The following DIAPH3 variants were observed in gnomAD, a reference collection of about 807,000 sequenced individuals.
DIAPH3 encodes the protein diaphanous related formin 3, also known as protein diaphanous homolog 3.
In DIAPH3, 117 loss-of-function variants were observed where a neutral mutation model predicts 144.3. That is an observed-to-expected ratio of 0.81 (90% CI 0.70 to 0.95). The LOEUF (loss-of-function observed/expected upper bound fraction) is 0.95. DIAPH3 is among the 40% of genes least tolerant of loss of function. DIAPH3 has a pLI of 0.00. For missense variants in DIAPH3, 1,421 were observed against 1,412.7 expected (o/e 1.01, Z -0.09); for synonymous variants, 519 against 488.9 (o/e 1.06, Z -0.81).
At chr13:59,796,794 G>C (rs975907914) in intron 25 of DIAPH3, among the ~76,000 whole-genome samples, 1 of 152,142 alleles carries the variant, frequency 6.6e-6, no homozygotes, top group African/African-American at 2.4e-5. Context: ...GTAATAAAAA[G>C]TATCTTAAAG....
intron 27 of DIAPH3, among the ~76,000 whole-genome samples, chr13:59,673,619 G>C (rs947193029): frequency 3.9e-5 from 6 of 152,168 alleles, no homozygotes; most frequent in African/African-American, 2.4e-5. Flanking sequence ...AAGCCAGAAA[G>C]ACCAATCATG....
intron 2 of DIAPH3, among the ~76,000 whole-genome samples, chr13:60,132,385 G>C (rs2059167382): frequency 6.6e-6 from 1 of 151,902 alleles, no homozygotes; most frequent in African/African-American, 2.4e-5. Flanking sequence ...TGTTCTTCTT[G>C]TTATTCCTTT....
chr13:59,729,838 G>T (rs1448131398), intron 27 of DIAPH3, among the ~76,000 whole-genome samples: 1 of 98,990 alleles, frequency 1.0e-5, no homozygotes, highest in South Asian at 3.3e-4. Flanking sequence ...TTGAGATAGG[G>T]TCTTGCTCTG....
At chr13:59,739,146 G>A (rs2036310249) in intron 27 of DIAPH3, among the ~76,000 whole-genome samples, 8 of 152,314 alleles carry the variant, frequency 5.3e-5, no homozygotes, top group Middle Eastern at 3.4e-3. Flanking sequence ...ACTGTTAGTA[G>A]AGGGATTAGT....
chr13:60,109,220 C>T (rs2058499552), intron 3 of DIAPH3, among the ~76,000 whole-genome samples: 1 of 152,126 alleles, frequency 6.6e-6, no homozygotes, highest in South Asian at 2.1e-4. Flanking sequence ...CACAGAGACA[C>T]ACACTTCTTT....
intron 23 of DIAPH3, chr13:59,838,589 G>T (rs2042163958): frequency 1.3e-5 from 2 of 152,216 alleles, no homozygotes; most frequent in South Asian, 4.1e-4. Flanking sequence ...TTGAAGTTAA[G>T]CTGACTAGTT....
intron 10 of DIAPH3, 130 bp from the exon 11 acceptor site, chr13:59,992,316 A>G (rs1207690100): frequency 2.0e-6 from 2 of 1,019,194 alleles, no homozygotes; most frequent in Non-Finnish European, 2.9e-6. Context: ...AGTGTTAAAT[A>G]ACACTCGAAT....
chr13:60,104,081 G>A (rs111630872), intron 3 of DIAPH3, among the ~76,000 whole-genome samples: 96 of 152,166 alleles, frequency 6.3e-4, no homozygotes, highest in African/African-American at 2.3e-3. Context: ...ATTGGGTTTA[G>A]ACATAATTAG....
intron 5 of DIAPH3, among the ~76,000 whole-genome samples, chr13:60,031,977 C>G (rs2054834897): frequency 6.6e-6 from 1 of 152,104 alleles, no homozygotes; most frequent in African/African-American, 2.4e-5. Flanking sequence ...CTCTTGACCT[C>G]ATGATCCACC....
chr13:59,741,703 C>CAA (rs756556231), intron 27 of DIAPH3, among the ~76,000 whole-genome samples: 2,421 of 93,604 alleles, frequency 0.026, 53 homozygotes, highest in East Asian at 0.12. Flanking sequence ...GGCAACAAAG[C>CAA]AAAAAAAAAA....
intron 25 of DIAPH3, among the ~76,000 whole-genome samples, chr13:59,782,825 A>G (rs1216576164): frequency 6.6e-6 from 1 of 152,202 alleles, no homozygotes; most frequent in African/African-American, 2.4e-5. Flanking sequence ...AGAGTGCCAG[A>G]GCTGTCAAAA....
At chr13:59,916,481 T>C (rs1377484456) in intron 18 of DIAPH3, among the ~76,000 whole-genome samples, 2 of 152,114 alleles carry the variant, frequency 1.3e-5, no homozygotes, top group Non-Finnish European at 2.9e-5. Context: ...TTGCACTGGA[T>C]CCAAGGTTGA....
chr13:59,823,032 T>C (rs1289344497), intron 24 of DIAPH3, among the ~76,000 whole-genome samples: 1 of 152,324 alleles, frequency 6.6e-6, no homozygotes, highest in South Asian at 2.1e-4. Context: ...TTATTCTCAC[T>C]ACCGTATTAG....
chr13:60,015,121 G>C (rs1487255278), intron 7 of DIAPH3, among the ~76,000 whole-genome samples: 1 of 152,028 alleles, frequency 6.6e-6, no homozygotes, highest in African/African-American at 2.4e-5. Context: ...TCAGCCTCCT[G>C]AGTAGCTGGG....
chr13:59,918,991 T>A (rs968779210), intron 18 of DIAPH3, among the ~76,000 whole-genome samples: 6 of 150,706 alleles, frequency 4.0e-5, no homozygotes, highest in African/African-American at 1.5e-4. Flanking sequence ...GAAAACAGTT[T>A]TTAAAAATTA....
chr13:59,784,539 C>G (rs947285054), intron 25 of DIAPH3, among the ~76,000 whole-genome samples: 1 of 151,970 alleles, frequency 6.6e-6, no homozygotes, highest in Non-Finnish European at 1.5e-5. Flanking sequence ...CAATGCCTGA[C>G]TAATTTTTTG....
At chr13:59,878,666 G>C (rs1019352736) in intron 21 of DIAPH3, among the ~76,000 whole-genome samples, 3 of 152,056 alleles carry the variant, frequency 2.0e-5, no homozygotes, top group Non-Finnish European at 1.5e-5. Context: ...AGAAAAAAAA[G>C]GCTCTAAACT....
chr13:59,945,351 A>G (rs2048745972), intron 17 of DIAPH3, among the ~76,000 whole-genome samples: 1 of 152,156 alleles, frequency 6.6e-6, no homozygotes, highest in Non-Finnish European at 1.5e-5. Context: ...TCTCCATTAG[A>G]TTATATACTA....
chr13:59,713,835 T>C (rs965038248), intron 27 of DIAPH3, among the ~76,000 whole-genome samples: 1 of 152,192 alleles, frequency 6.6e-6, no homozygotes, highest in African/African-American at 2.4e-5. Context: ...TAGCTGTGTG[T>C]GGATGTGATG....
Sources: allele counts gnomAD v4.1 joint callset (sites outside exome capture counted in the v4.1 genomes callset), GRCh38; gene constraint gnomAD v4.1.1; transcripts MANE v1.5; gene names NCBI Gene and HGNC (gene_info 2026-07-23, HGNC 2026-07-21).